RNF185: variants seen among roughly 807,000 people sequenced by gnomAD.
RNF185 encodes ring finger protein 185.
In RNF185, 13 loss-of-function variants were observed where a neutral mutation model predicts 24.9. The observed-to-expected ratio is 0.52, with a 90% confidence interval of 0.34 to 0.83. The LOEUF (loss-of-function observed/expected upper bound fraction) is 0.83, where lower values mean the gene tolerates loss of function less well. RNF185 is among the 40% of genes least tolerant of loss of function. The pLI, the probability that RNF185 is intolerant of heterozygous loss-of-function variation, is 0.01. For missense variants in RNF185, 184 were observed against 244.7 expected, an observed-to-expected ratio of 0.75 and a Z score of 1.65; for synonymous variants, 79 against 90.3, an observed-to-expected ratio of 0.88 and a Z score of 0.71.
At chr22:31,190,641 C>T (rs1300933535) in intron 2 of RNF185, among the ~76,000 whole-genome samples, 4 of 150,498 alleles carry the variant, frequency 2.7e-5, no homozygotes, top group Non-Finnish European at 5.9e-5. Context: ...TGCTGGAGTG[C>T]AGTAGCACTC....
chr22:31,191,742 G>A (rs2048157789), intron 2 of RNF185, among the ~76,000 whole-genome samples: 1 of 148,462 alleles, frequency 6.7e-6, no homozygotes, highest in African/African-American at 2.5e-5. Flanking sequence ...TGAGACAGGA[G>A]AATCGCTTGA....
chr22:31,167,366 G>T (rs561542541), intron 1 of RNF185, among the ~76,000 whole-genome samples: 1 of 151,856 alleles, frequency 6.6e-6, no homozygotes, highest in Non-Finnish European at 1.5e-5. Flanking sequence ...CAATTCAGTG[G>T]CATTAAGTAA....
At chr22:31,176,240 A>G (rs1166457780) in intron 1 of RNF185, among the ~76,000 whole-genome samples, 1 of 144,838 alleles carries the variant, frequency 6.9e-6, no homozygotes, top group Non-Finnish European at 1.5e-5. Context: ...AATAAATTCA[A>G]TTTTTTTTTT....
chr22:31,163,189 T>C (rs1274186413), intron 1 of RNF185, among the ~76,000 whole-genome samples: 1 of 152,248 alleles, frequency 6.6e-6, no homozygotes, highest in Non-Finnish European at 1.5e-5. Flanking sequence ...CATATATATT[T>C]ACATATTGTC....
intron 6 of RNF185, among the ~76,000 whole-genome samples, chr22:31,202,381 C>T (rs7285171): frequency 0.38 from 58,368 of 151,798 alleles, 12,975 homozygotes; most frequent in Middle Eastern, 0.56. Flanking sequence ...GCACTGGACA[C>T]AGCATATGGT....
intron 1 of RNF185, among the ~76,000 whole-genome samples, chr22:31,163,829 T>G (rs1047227031): frequency 6.6e-6 from 1 of 151,500 alleles, no homozygotes; most frequent in Non-Finnish European, 1.5e-5. Flanking sequence ...GCACGCCACC[T>G]TGCCTGGCTA....
At chr22:31,165,419 T>C (rs1923860603) in intron 1 of RNF185, among the ~76,000 whole-genome samples, 1 of 152,210 alleles carries the variant, frequency 6.6e-6, no homozygotes, top group South Asian at 2.1e-4. Flanking sequence ...AAATGTCTGT[T>C]TAGATCTTTT....
rs988254901 is a variant in RNF185 at position 31,165,814 on chromosome 22, A to G, written c.-49+5511A>G. On this transcript the variant is annotated intron_variant, in intron 1 of 6. Transcript: ENST00000326132. Reference sequence around the variant, plus strand: ...ATGTCTGGTTATAGGCAGGGAGTAGAGGAGTCAGTGGTGGTTTGAATGCTC... The same window carrying G: ...ATGTCTGGTTATAGGCAGGGAGTAGGGGAGTCAGTGGTGGTTTGAATGCTC... Among the ~76,000 whole-genome samples the G allele has an allele frequency of 2.0e-5, 3 of 152,146 alleles. No homozygotes were observed. In the East Asian group the frequency reaches 5.8e-4, roughly 29 times the overall value.
intron 1 of RNF185, among the ~76,000 whole-genome samples, chr22:31,168,613 A>G (rs1039606349): frequency 6.6e-6 from 1 of 152,168 alleles, no homozygotes; most frequent in Non-Finnish European, 1.5e-5. Flanking sequence ...ATGGTAGTTC[A>G]GTTTTTAATT....
intron 1 of RNF185, among the ~76,000 whole-genome samples, chr22:31,184,050 G>C (rs1188365188): frequency 6.7e-6 from 1 of 149,508 alleles, no homozygotes; most frequent in African/African-American, 2.5e-5. Flanking sequence ...GCGGCTGGCC[G>C]GTCGGGGGCT....
intron 6 of RNF185, among the ~76,000 whole-genome samples, chr22:31,203,773 T>C (rs2048286080): frequency 1.3e-5 from 2 of 152,178 alleles, no homozygotes; most frequent in African/African-American, 2.4e-5. Flanking sequence ...CGATGGCTCA[T>C]GCCTGTAATG....
At chr22:31,201,272 T>C (rs768588166) in intron 5 of RNF185, among the ~76,000 whole-genome samples, 2 of 152,242 alleles carry the variant, frequency 1.3e-5, no homozygotes, top group South Asian at 2.1e-4. Flanking sequence ...ATTCATAGAT[T>C]CTTAGCTGGA....
At chr22:31,164,581 G>A (rs945728880) in intron 1 of RNF185, among the ~76,000 whole-genome samples, 6 of 114,952 alleles carry the variant, frequency 5.2e-5, no homozygotes, top group African/African-American at 1.7e-4. Context: ...GTTCCTCATT[G>A]TCTTTTTTTT....
chr22:31,184,046 G>T (rs1163328788), intron 1 of RNF185, among the ~76,000 whole-genome samples: 2 of 150,714 alleles, frequency 1.3e-5, no homozygotes, highest in Admixed American at 6.6e-5. Context: ...CGGGGCGGCT[G>T]GCCGGTCGGG....
Position 31,192,785 on chromosome 22 carries a change from A to C in RNF185, c.195+83A>C, listed in dbSNP as rs569634664. 8.5e-6 allele frequency: 11 copies of C among 1,296,914 alleles called. No individual in the cohort carries two copies. In the East Asian group the frequency reaches 1.8e-4, roughly 22 times the overall value. The allele number at this position is 1,296,914 out of a possible 1,614,324, so 80.3% of individuals were successfully genotyped here. A position where few individuals can be genotyped will look rare whatever the true frequency, so the allele number is the denominator to read the frequency against. On this transcript the variant is annotated intron_variant, in intron 3 of 6. Coordinates refer to ENST00000326132, the MANE Select transcript of RNF185 (RefSeq NM_152267.4). Reference sequence around the variant, plus strand: ...CTAGTCTCAGGAGACTGCTTTCAGAAGCTGCAATCTGCCCTGCTTGTGGGC... The same window carrying C: ...CTAGTCTCAGGAGACTGCTTTCAGACGCTGCAATCTGCCCTGCTTGTGGGC...
chr22:31,166,101 C>T (rs917910485), intron 1 of RNF185, among the ~76,000 whole-genome samples: 8 of 152,178 alleles, frequency 5.3e-5, no homozygotes, highest in South Asian at 2.1e-4. Context: ...AAGCAATTCT[C>T]GTGCCTCAGT....
At chr22:31,199,099 C>CA (rs10710631) in intron 5 of RNF185, among the ~76,000 whole-genome samples, 23 of 143,638 alleles carry the variant, frequency 1.6e-4, no homozygotes, top group Non-Finnish European at 2.2e-4. Flanking sequence ...GACTCTGTCT[C>CA]AAAAAAAAAA....
intron 1 of RNF185, among the ~76,000 whole-genome samples, chr22:31,173,436 C>CACACACACAT (rs1270746240): frequency 6.6e-6 from 1 of 151,722 alleles, no homozygotes; most frequent in African/African-American, 2.4e-5. Context: ...CACACACACA[C>CACACACACAT]ACACACGTAT....
chr22:31,188,567 C>T (rs547912576), intron 2 of RNF185, among the ~76,000 whole-genome samples: 1 of 152,268 alleles, frequency 6.6e-6, no homozygotes, highest in Non-Finnish European at 1.5e-5. Flanking sequence ...TGGCTCACAC[C>T]TGTAATCCAA....
Sources: allele counts gnomAD v4.1 joint callset (sites outside exome capture counted in the v4.1 genomes callset), GRCh38; gene constraint gnomAD v4.1.1; transcripts MANE v1.5; gene names NCBI Gene and HGNC (gene_info 2026-07-23, HGNC 2026-07-21).